Variants in MYCBP2 observed in about 807,000 individuals in gnomAD.
MYCBP2 encodes MYC binding protein 2.
A neutral mutation model predicts 525.3 loss-of-function variants in MYCBP2; 120 were observed. The ratio of observed to expected loss-of-function variants is 0.23; its 90% CI spans 0.20 to 0.27. The LOEUF is 0.27. Ranked by LOEUF, MYCBP2 falls within the 10% of genes least tolerant of loss-of-function variation. The probability of loss-of-function intolerance (pLI) is 1.00; values close to 1 mark genes in which losing one functional copy is unlikely to be tolerated. For missense variants in MYCBP2, 4,149 were observed against 5,657.1 expected (o/e 0.73, Z 8.55); for synonymous variants, 1,894 against 1,955.8 (o/e 0.97, Z 0.83).
At chr13:77,225,761 TA>T (rs11356712) in intron 18 of MYCBP2, among the ~76,000 whole-genome samples, 3,208 of 152,240 alleles carry the variant, frequency 0.021, 108 homozygotes, top group African/African-American at 0.073. Flanking sequence ...CATTTGCAAA[TA>T]TCACTAAATT....
At chr13:77,284,697 T>C (rs1297365095) in intron 3 of MYCBP2, among the ~76,000 whole-genome samples, 1 of 152,242 alleles carries the variant, frequency 6.6e-6, no homozygotes, top group African/African-American at 2.4e-5. Flanking sequence ...CATTTGCACC[T>C]ACACATTTTC....
chr13:77,096,279 A>T, intron 57 of MYCBP2, 33 bp downstream of exon 57: 1 of 1,606,002 alleles, frequency 6.2e-7, no homozygotes, highest in Admixed American at 1.7e-5. Context: ...TATCCATATC[A>T]TTAAAAGTAT....
intron 49 of MYCBP2, chr13:77,143,979 A>T (rs1160844035): frequency 5.6e-6 from 1 of 179,736 alleles, no homozygotes; most frequent in East Asian, 1.4e-4. Context: ...GACTGTATAG[A>T]TATCCTATTG....
intron 15 of MYCBP2, among the ~76,000 whole-genome samples, chr13:77,250,740 A>G (rs1372670308): frequency 6.6e-6 from 1 of 152,244 alleles, no homozygotes; most frequent in Non-Finnish European, 1.5e-5. Flanking sequence ...ATTTAAAACA[A>G]AACTATATAT....
rs2082401180 is a variant in MYCBP2, at chr13:77,327,011, G to C, written c.-236C>G. On this transcript the variant is annotated 5_prime_UTR_variant, in exon 1 of 83. Coordinates refer to ENST00000544440, the MANE Select transcript of MYCBP2 (RefSeq NM_015057.5). ...CATCTAACCCCGCCACCCCGGGAAT[G>C]TGAGGAGGAGGCGGTGCCGCCACTG... 3.6e-5 allele frequency: 16 copies of C among 441,416 alleles called. No homozygotes were observed. In the East Asian group the frequency reaches 5.7e-4, roughly 16 times the overall value. 27.3% of individuals were successfully genotyped at this position (441,416 alleles called of 1,614,324 possible). A position where few individuals can be genotyped will look rare whatever the true frequency, so the allele number is the denominator to read the frequency against.
intron 21 of MYCBP2, among the ~76,000 whole-genome samples, chr13:77,215,977 A>G (rs921513317): frequency 6.6e-6 from 1 of 152,248 alleles, no homozygotes; most frequent in African/African-American, 2.4e-5. Flanking sequence ...TCTAGTGCCC[A>G]GTTAGTGTCT....
chr13:77,288,086 A>G lies in MYCBP2; in HGVS notation c.594+75T>C, dbSNP rs956594296. ...TTTACATAAAGCAAAGTATTTTAGC[A>G]ATGCGTATATATGCATTATAGCCAG... On this transcript the variant is annotated intron_variant, in intron 3 of 82. Coordinates refer to ENST00000544440, the MANE Select transcript of MYCBP2 (RefSeq NM_015057.5). 8 of 1,374,866 alleles carry G rather than the reference A, an allele frequency of 5.8e-6. No homozygotes were observed. The African/African-American group carries it at 1.0e-4, about 18-fold the overall frequency. The allele number at this position is 1,374,866 out of a possible 1,614,324, so 85.2% of individuals were successfully genotyped here.
Position 77,074,006 on chromosome 13 carries a change from C to T in MYCBP2, c.11823+2745G>A, listed in dbSNP as rs1278855634. On this transcript the variant is annotated intron_variant, in intron 68 of 82. Transcript: ENST00000544440. ...AGTCAAAATTCCATCCCCACCGCCC[C>T]CCCCCCTTTTTTTTTTAAAGAAACG... 1.9e-4 allele frequency among the ~76,000 whole-genome samples: 27 copies of T among 139,796 alleles called. 1 individual carries two copies. The highest frequency in any genetic ancestry group is 6.5e-4 in the African/African-American group (25 of 38,642). The allele number at this position is 139,796 out of a possible 152,430, so 91.7% of individuals were successfully genotyped here.
At chr13:77,277,053 AAG>A (rs1242671569) in intron 4 of MYCBP2, among the ~76,000 whole-genome samples, 1 of 152,102 alleles carries the variant, frequency 6.6e-6, no homozygotes, top group Non-Finnish European at 1.5e-5. Flanking sequence ...GAATAAAGGA[AAG>A]AAAGTATGTA....
chr13:77,209,203 A>G (rs2063693349), intron 23 of MYCBP2, among the ~76,000 whole-genome samples: 1 of 152,194 alleles, frequency 6.6e-6, no homozygotes, highest in South Asian at 2.1e-4. Flanking sequence ...CATTGCTACT[A>G]CCATAAATGG....
chr13:77,150,857 T>C lies in MYCBP2; in HGVS notation c.7008A>G (p.Ala2336=). Residue 2336 remains alanine, a synonymous_variant, in exon 47 of 83, where the codon GCA becomes GCG. Coordinates refer to ENST00000544440, the MANE Select transcript of MYCBP2 (RefSeq NM_015057.5). ...KKPQRIPGSP[A]VTAASSNTDM... Reference sequence around the variant, plus strand: ...CAGTATTAGAAGATGCAGCTGTTACTGCAGGACTGCCAGGAATCCTTTGAG... The same window carrying C: ...CAGTATTAGAAGATGCAGCTGTTACCGCAGGACTGCCAGGAATCCTTTGAG... 1 of 1,614,172 alleles carries C rather than the reference T, an allele frequency of 6.2e-7. No homozygotes were observed. The highest frequency in any genetic ancestry group is 8.5e-7 in the Non-Finnish European group (1 of 1,180,008).
chr13:77,176,146 C>T (rs1213982408), intron 36 of MYCBP2, among the ~76,000 whole-genome samples: 1 of 151,484 alleles, frequency 6.6e-6, no homozygotes, highest in Non-Finnish European at 1.5e-5. Context: ...CTCAATACTA[C>T]TACAATGCAG....
chr13:77,152,841 G>A (rs1044806792), intron 46 of MYCBP2, among the ~76,000 whole-genome samples: 3 of 152,034 alleles, frequency 2.0e-5, no homozygotes, highest in Admixed American at 1.3e-4. Flanking sequence ...TGAGGCGGGC[G>A]AATCACAAGG....
In MYCBP2 at chr13:77,224,464, C is replaced by A. The variant is rs1283886716; in HGVS notation, c.2926G>T (p.Asp976Tyr). ...GTTAGCAAGTACCTGGAGTTGACATCTCCATGTCCTAGCTGCCCATGCTGC... is the reference window on the plus strand; with the variant it reads ...GTTAGCAAGTACCTGGAGTTGACATATCCATGTCCTAGCTGCCCATGCTGC... Reference protein sequence around the residue: ...YGQHGQLGHGDVNSRGCPTLV... With the variant: ...YGQHGQLGHGYVNSRGCPTLV... The change falls in exon 20 of 83, where the codon GAT becomes TAT. Residue 976 changes from aspartate (D) to tyrosine (Y), a missense_variant. Transcript: ENST00000544440. 3.1e-6 allele frequency: 5 copies of A among 1,607,634 alleles called. No homozygotes were observed. Among genetic ancestry groups the A allele is most frequent in the Non-Finnish European group, 4.3e-6 (5 of 1,176,148 alleles).
intron 65 of MYCBP2, among the ~76,000 whole-genome samples, chr13:77,079,341 G>A (rs1047199155): frequency 6.6e-6 from 1 of 152,138 alleles, no homozygotes; most frequent in Non-Finnish European, 1.5e-5. Flanking sequence ...TATATGAGAG[G>A]AGGTTCTATC....
chr13:77,181,944 C>A (rs771369627), intron 32 of MYCBP2, 22 bp from the exon 33 acceptor site: 1 of 1,578,474 alleles, frequency 6.3e-7, no homozygotes, highest in South Asian at 1.1e-5. Context: ...AAAAATATGG[C>A]CCCCCAACCA....
At chr13:77,315,315 T>A (rs1035916737) in intron 1 of MYCBP2, among the ~76,000 whole-genome samples, 2 of 152,114 alleles carry the variant, frequency 1.3e-5, no homozygotes, top group African/African-American at 4.8e-5. Context: ...CGAGGATAAC[T>A]AATTCTAAAG....
intron 1 of MYCBP2, among the ~76,000 whole-genome samples, chr13:77,325,339 G>A (rs762409830): frequency 1.3e-5 from 2 of 152,086 alleles, no homozygotes; most frequent in Admixed American, 6.5e-5. Context: ...TTTTCCCCAT[G>A]TACTGCAAGA....
intron 49 of MYCBP2, among the ~76,000 whole-genome samples, chr13:77,143,523 G>T (rs2055019548): frequency 6.6e-6 from 1 of 152,176 alleles, no homozygotes; most frequent in Non-Finnish European, 1.5e-5. Context: ...TACATCATCT[G>T]CTTCCCTGGT....
Sources: allele counts gnomAD v4.1 joint callset (sites outside exome capture counted in the v4.1 genomes callset), GRCh38; gene constraint gnomAD v4.1.1; transcripts MANE v1.5; gene names NCBI Gene and HGNC (gene_info 2026-07-23, HGNC 2026-07-21).